NLGN1: variants seen among roughly 807,000 people sequenced by gnomAD.
NLGN1 encodes neuroligin-1.
Under a neutral mutation model 65.5 loss-of-function variants are expected in NLGN1, and 12 were observed. The observed-to-expected ratio is 0.18, with a 90% CI of 0.12 to 0.30. The LOEUF (loss-of-function observed/expected upper bound fraction) is 0.30. Ranked by LOEUF, NLGN1 falls within the 10% of genes least tolerant of loss-of-function variation. NLGN1 has a pLI of 1.00. For missense variants in NLGN1, 750 were observed against 1,007.1 expected (o/e 0.74, Z 3.46); for synonymous variants, 350 against 359.5 (o/e 0.97, Z 0.30).
At chr3:173,866,703 G>C (rs1730249707) in intron 4 of NLGN1, among the ~76,000 whole-genome samples, 1 of 152,172 alleles carries the variant, frequency 6.6e-6, no homozygotes, top group African/African-American at 2.4e-5. Context: ...TGTTGTGCCT[G>C]TGTTAATACA....
chr3:173,728,527 A>G (rs1173493109), intron 3 of NLGN1, among the ~76,000 whole-genome samples: 1 of 152,028 alleles, frequency 6.6e-6, no homozygotes, highest in Non-Finnish European at 1.5e-5. Context: ...CCCCTCCAAC[A>G]ATTCATGTCA....
chr3:173,476,513 C>T (rs945532105), intron 2 of NLGN1, among the ~76,000 whole-genome samples: 1 of 152,050 alleles, frequency 6.6e-6, no homozygotes, highest in Admixed American at 6.6e-5. Context: ...GAATGAACGA[C>T]CAGAATTGGT....
chr3:173,552,700 G>A (rs1741070756), intron 2 of NLGN1, among the ~76,000 whole-genome samples: 1 of 152,104 alleles, frequency 6.6e-6, no homozygotes, highest in Admixed American at 6.5e-5. Context: ...GGCTCCTCCT[G>A]CCTGCAAACG....
In NLGN1 at chr3:174,280,916, A is replaced by G. The variant is rs1289757711; in HGVS notation, c.2085A>G (p.Ala695=). 3 of 1,613,242 alleles carry G rather than the reference A, an allele frequency of 1.9e-6. No individual in the cohort carries two copies. Among genetic ancestry groups the G allele is most frequent in the Non-Finnish European group, 1.7e-6 (2 of 1,179,582 alleles). ...TGTTTCTGAACATCTTGGCCTTTGC[A>G]GCCCTGTACTACAAAAAGGATAAGA... The change falls in exon 7 of 7, where the codon GCA becomes GCG. Residue 695 remains alanine, a synonymous_variant. Coordinates refer to ENST00000457714, the Ensembl canonical transcript of NLGN1. This position sits in a 1 kb window ranked among gnomAD's most constrained non-coding sequence, Gnocchi z 4.9.
intron 4 of NLGN1, among the ~76,000 whole-genome samples, chr3:174,042,374 A>G (rs1330502268): frequency 6.6e-6 from 1 of 152,192 alleles, no homozygotes; most frequent in Non-Finnish European, 1.5e-5. Context: ...CAATCTTTAA[A>G]TTAATTTTTG....
At chr3:174,285,786 T>C (rs1752046401) in exon 7 of NLGN1, 1 of 151,526 alleles carries the variant, frequency 6.6e-6, no homozygotes, top group South Asian at 2.1e-4. Flanking sequence ...AGATTTTATT[T>C]ATAAAACTTA....
intron 4 of NLGN1, among the ~76,000 whole-genome samples, chr3:173,894,522 C>T (rs923881218): frequency 5.9e-5 from 9 of 151,954 alleles, no homozygotes; most frequent in African/African-American, 1.7e-4. Flanking sequence ...CTCATAGATA[C>T]TTCAGGGTCA....
intron 4 of NLGN1, among the ~76,000 whole-genome samples, chr3:174,175,981 CAT>C (rs1365778382): frequency 3.3e-5 from 5 of 151,812 alleles, no homozygotes; most frequent in African/African-American, 1.2e-4. Flanking sequence ...CCACAAAGAG[CAT>C]ATGTTTTTCA....
At chr3:173,824,042 T>A (rs557732405) in intron 4 of NLGN1, among the ~76,000 whole-genome samples, 1 of 152,202 alleles carries the variant, frequency 6.6e-6, no homozygotes, top group African/African-American at 2.4e-5. Context: ...ATCAGTTTAA[T>A]GTTTGGTTTT....
chr3:173,812,526 A>G (rs1718156335), intron 4 of NLGN1, among the ~76,000 whole-genome samples: 1 of 151,896 alleles, frequency 6.6e-6, no homozygotes, highest in African/African-American at 2.4e-5. Context: ...CCAGGAGTTC[A>G]AGACAAGTCT....
At chr3:173,633,922 G>C (rs1291814845) in intron 3 of NLGN1, among the ~76,000 whole-genome samples, 1 of 151,974 alleles carries the variant, frequency 6.6e-6, no homozygotes, top group Non-Finnish European at 1.5e-5. Context: ...ACTTATATTA[G>C]CTTATACTCA....
At chr3:173,627,227 A>G (rs1410835021) in intron 3 of NLGN1, among the ~76,000 whole-genome samples, 1 of 152,056 alleles carries the variant, frequency 6.6e-6, no homozygotes, top group African/African-American at 2.4e-5. Context: ...TCCTCAGCCC[A>G]TGGAAACCAC....
chr3:174,265,783 G>GTATATATATATATA (rs1168048305), intron 4 of NLGN1, among the ~76,000 whole-genome samples: 1 of 128,518 alleles, frequency 7.8e-6, no homozygotes, highest in African/African-American at 3.1e-5. Context: ...ATATATATAT[G>GTATATATATATATA]TATATATATA....
intron 3 of NLGN1, among the ~76,000 whole-genome samples, chr3:173,656,193 G>GAAACC (rs1760002298): frequency 5.3e-5 from 8 of 152,032 alleles, no homozygotes; most frequent in Non-Finnish European, 1.2e-4. Context: ...AAGTCCTTAG[G>GAAACC]TTTCCTGCAT....
At chr3:173,995,153 C>A (rs1299370765) in intron 4 of NLGN1, among the ~76,000 whole-genome samples, 1 of 152,132 alleles carries the variant, frequency 6.6e-6, no homozygotes, top group African/African-American at 2.4e-5. Context: ...GCTGGTTAAG[C>A]CAAGAAACGT....
chr3:173,647,774 A>T (rs1758508181), intron 3 of NLGN1, among the ~76,000 whole-genome samples: 1 of 152,130 alleles, frequency 6.6e-6, no homozygotes, highest in African/African-American at 2.4e-5. Context: ...ATAGAAGAAT[A>T]GGAGCAAATT....
At chr3:173,919,906 A>G (rs974949612) in intron 4 of NLGN1, among the ~76,000 whole-genome samples, 1 of 152,132 alleles carries the variant, frequency 6.6e-6, no homozygotes, top group African/African-American at 2.4e-5. Flanking sequence ...CATATATGCA[A>G]TCAATATTTA....
In NLGN1 at chr3:173,670,248, G is replaced by A. The variant is rs1007436769; in HGVS notation, c.493+65157G>A. ...TGGCATGAAGAAAGGATAGAGCATT[G>A]GACTATGTTACTGCATTCTTTCCAT... On this transcript the variant is annotated intron_variant, in intron 3 of 6. Coordinates refer to ENST00000457714, the Ensembl canonical transcript of NLGN1. Among the ~76,000 whole-genome samples the A allele has an allele frequency of 3.3e-5, 5 of 152,070 alleles. No homozygotes were observed. In the South Asian group the frequency reaches 1.0e-3, roughly 32 times the overall value.
intron 3 of NLGN1, among the ~76,000 whole-genome samples, chr3:173,802,045 G>T (rs1290616777): frequency 1.3e-5 from 2 of 152,086 alleles, no homozygotes; most frequent in African/African-American, 4.8e-5. Context: ...ACTTCTTCAT[G>T]TGTATCTTTG....
Sources: gnomAD v4.1 joint callset for allele counts (sites outside exome capture counted in the v4.1 genomes callset) on GRCh38, gnomAD v4.1.1 for gene constraint, Gnocchi (gnomAD v3.1) non-coding constraint, MANE v1.5 for transcripts, NCBI Gene and HGNC (gene_info 2026-07-23, HGNC 2026-07-21) for gene names.